CADPS: variants seen among roughly 807,000 people sequenced by gnomAD.
The protein encoded by CADPS is calcium-dependent secretion activator 1.
CADPS carries 57 observed loss-of-function variants against 167.3 expected under a neutral mutation model. The observed-to-expected ratio is 0.34, with a 90% CI of 0.28 to 0.42. The LOEUF is 0.42. Ranked by LOEUF, CADPS falls within the 20% of genes least tolerant of loss-of-function variation. The pLI is 1.00. For synonymous variants in CADPS, 676 were observed against 635.3 expected (o/e 1.06, Z -0.96); for missense variants, 1,414 against 1,738.1 (o/e 0.81, Z 3.32).
intron 1 of CADPS, among the ~76,000 whole-genome samples, chr3:62,844,735 A>G (rs2077141952): frequency 6.6e-6 from 1 of 152,218 alleles, no homozygotes; most frequent in Non-Finnish European, 1.5e-5. Context: ...ATCGATTCTT[A>G]GTATAATGTG....
intron 6 of CADPS, among the ~76,000 whole-genome samples, chr3:62,633,049 G>C (rs552344577): frequency 6.6e-6 from 1 of 152,140 alleles, no homozygotes; most frequent in African/African-American, 2.4e-5. Context: ...CAAGCAGTGT[G>C]TGCAGAGCAG....
At chr3:62,679,490 T>A (rs557155388) in intron 3 of CADPS, among the ~76,000 whole-genome samples, 15 of 151,956 alleles carry the variant, frequency 9.9e-5, no homozygotes, top group Non-Finnish European at 2.1e-4. Flanking sequence ...AGGAAGCTGA[T>A]GAAGATCTCC....
At chr3:62,851,678 C>T (rs1404727244) in intron 1 of CADPS, among the ~76,000 whole-genome samples, 1 of 144,762 alleles carries the variant, frequency 6.9e-6, no homozygotes, top group African/African-American at 2.6e-5. Context: ...TTGAGGGTAA[C>T]CCGACCTTTC....
intron 1 of CADPS, among the ~76,000 whole-genome samples, chr3:62,766,694 C>T (rs948073441): frequency 1.3e-5 from 2 of 152,262 alleles, no homozygotes; most frequent in East Asian, 1.9e-4. Context: ...TCAATCCCAC[C>T]TTTCTTTCTT....
chr3:62,855,087 G>T (rs904609999), intron 1 of CADPS, among the ~76,000 whole-genome samples: 18 of 44,308 alleles, frequency 4.1e-4, no homozygotes, highest in Admixed American at 2.2e-4. Flanking sequence ...ATCATGCCCG[G>T]CTAATTTTTT....
At chr3:62,630,776 T>A (rs976107231) in intron 6 of CADPS, among the ~76,000 whole-genome samples, 1 of 152,162 alleles carries the variant, frequency 6.6e-6, no homozygotes, top group East Asian at 1.9e-4. Flanking sequence ...TCAGTGCAAA[T>A]AACATGTTAT....
chr3:62,604,134 A>G (rs2060366111), intron 6 of CADPS, among the ~76,000 whole-genome samples: 1 of 151,978 alleles, frequency 6.6e-6, no homozygotes. Context: ...CCGGCCTGCT[A>G]TACGTTTTTT....
intron 21 of CADPS, among the ~76,000 whole-genome samples, chr3:62,483,424 T>C (rs1330019080): frequency 6.6e-6 from 1 of 151,846 alleles, no homozygotes; most frequent in Non-Finnish European, 1.5e-5. Context: ...TTCTGGACCT[T>C]GAAGATCACC....
intron 17 of CADPS, among the ~76,000 whole-genome samples, chr3:62,510,204 A>G (rs112289090): frequency 0.026 from 4,004 of 151,254 alleles, 110 homozygotes; most frequent in African/African-American, 0.074. Flanking sequence ...CTATCTATCT[A>G]TCTATCTATC....
At chr3:62,481,924 T>C (rs1159924054) in intron 21 of CADPS, 55 bp from the exon 22 acceptor site, 1 of 1,529,882 alleles carries the variant, frequency 6.5e-7, no homozygotes, top group Non-Finnish European at 8.9e-7. Flanking sequence ...AATGCAGATG[T>C]GGCAGAAGCA....
intron 28 of CADPS, among the ~76,000 whole-genome samples, chr3:62,426,803 C>T (rs376177866): frequency 2.6e-5 from 4 of 151,690 alleles, no homozygotes; most frequent in South Asian, 4.2e-4. Flanking sequence ...CATGGTGGCT[C>T]ACTCCTGTAA....
Position 62,511,302 on chromosome 3 carries a change from C to T in CADPS, c.2599+1449G>A, listed in dbSNP as rs190177103. Among the ~76,000 whole-genome samples the T allele has an allele frequency of 5.3e-5, 8 of 152,280 alleles. 1 individual carries two copies. Among genetic ancestry groups the T allele is most frequent in the Admixed American group, 5.2e-4 (8 of 15,286 alleles). Reference sequence around the variant, plus strand: ...ACCCATCCACTACTATCATTTCACTCTGTTTTGCAGCTACGTTGAATTAAT... The same window carrying T: ...ACCCATCCACTACTATCATTTCACTTTGTTTTGCAGCTACGTTGAATTAAT... On this transcript the variant is annotated intron_variant, in intron 17 of 29. Coordinates refer to ENST00000383710, the MANE Select transcript of CADPS (RefSeq NM_003716.4).
rs1174999512 is a variant in CADPS, at chr3:62,478,202, C to T, written c.3329+59G>A. The stretch of plus-strand genomic sequence containing the variant: ...ATTGAAAGAGCAGCCATCTACCCTT[C>T]CCTGAGTCTGTGTATGGTGGGGAGG... On this transcript the variant is annotated intron_variant, in intron 23 of 29. Coordinates refer to ENST00000383710, the MANE Select transcript of CADPS (RefSeq NM_003716.4). The surrounding 1 kb of genome is among the most constrained non-coding windows in gnomAD (Gnocchi z 5.7). 4 of 1,575,666 alleles carry T rather than the reference C, an allele frequency of 2.5e-6. No homozygotes were observed. The Admixed American group carries it at 5.0e-5, about 20-fold the overall frequency.
In CADPS at chr3:62,465,492, A is replaced by AGCC; in HGVS notation, c.3553-43_3553-42insGGC. 7.2e-7 allele frequency: 1 copy of AGCC among 1,386,320 alleles called. No homozygotes were observed. The highest frequency in any genetic ancestry group is 1.0e-6 in the Non-Finnish European group (1 of 983,038). The allele number at this position is 1,386,320 out of a possible 1,614,324, so 85.9% of individuals were successfully genotyped here. A position where few individuals can be genotyped will look rare whatever the true frequency, so the allele number is the denominator to read the frequency against. ...AAAGAAAAAAATGTTATTTCAAACT[A>AGCC]TAATTGTTCACCATAAAGCACATCA... On this transcript the variant is annotated intron_variant, in intron 25 of 29. Transcript: ENST00000383710. This position sits in a 1 kb window ranked among gnomAD's most constrained non-coding sequence, Gnocchi z 4.1.
At chr3:62,561,078 CAAAAAAA>C (rs34584073) in intron 9 of CADPS, among the ~76,000 whole-genome samples, 1 of 83,586 alleles carries the variant, frequency 1.2e-5, no homozygotes, top group African/African-American at 5.1e-5. Context: ...AACTCCATCT[CAAAAAAA>C]AAAAAAAAAA....
chr3:62,853,623 T>TA (rs71126559), intron 1 of CADPS, among the ~76,000 whole-genome samples: 48,047 of 118,086 alleles, frequency 0.41, 10,046 homozygotes, highest in East Asian at 0.52. Flanking sequence ...AAAACTCCAC[T>TA]AAAAAAAAAA....
intron 27 of CADPS, chr3:62,439,140 T>C (rs2055778102): frequency 6.6e-6 from 1 of 152,126 alleles, no homozygotes; most frequent in Admixed American, 6.5e-5. Context: ...ACAGTAGATA[T>C]ATATGTCTGC....
At chr3:62,462,337 C>T (rs1181539208) in intron 26 of CADPS, among the ~76,000 whole-genome samples, 1 of 152,238 alleles carries the variant, frequency 6.6e-6, no homozygotes, top group African/African-American at 2.4e-5. Flanking sequence ...TCTCATCCTC[C>T]CTCCTCCCTC....
At chr3:62,730,800 C>T (rs937958737) in intron 3 of CADPS, among the ~76,000 whole-genome samples, 1 of 152,210 alleles carries the variant, frequency 6.6e-6, no homozygotes, top group African/African-American at 2.4e-5. Flanking sequence ...TGCACAAAGA[C>T]CATATTCTAG....
Sources: allele counts gnomAD v4.1 joint callset (sites outside exome capture counted in the v4.1 genomes callset), GRCh38; gene constraint gnomAD v4.1.1; non-coding constraint Gnocchi (gnomAD v3.1); transcripts MANE v1.5; gene names NCBI Gene and HGNC (gene_info 2026-07-23, HGNC 2026-07-21).